The following NRG1 variants were observed in gnomAD, a reference collection of about 807,000 sequenced individuals.
NRG1 encodes neuregulin 1.
NRG1 carries 18 observed loss-of-function variants against 63.8 expected under a neutral mutation model. The ratio of observed to expected loss-of-function variants is 0.28; its 90% CI spans 0.19 to 0.42. The LOEUF is 0.42. Ranked by LOEUF, NRG1 falls within the 10% of genes least tolerant of loss-of-function variation. NRG1 has a pLI of 1.00. For synonymous variants in NRG1, 302 were observed against 301.3 expected (o/e 1.00, Z -0.02); for missense variants, 762 against 814.7 (o/e 0.94, Z 0.79).
At position 31,796,703 on chromosome 8, in the gene NRG1, C is replaced by T. The variant is rs370157236; in HGVS notation, c.37+157272C>T. Among the ~76,000 whole-genome samples, 58 of 152,208 alleles carry T rather than the reference C, an allele frequency of 3.8e-4. No homozygotes were observed. The East Asian group carries it at 8.1e-3, about 21-fold the overall frequency. ...CTGCCTGCCTCAGCCTCCCAAAGTA[C>T]TGGGATTACAGGCGTGAGCCACTGC... On this transcript the variant is annotated intron_variant, in intron 1 of 10. Transcript: ENST00000519301.
intron 1 of NRG1, among the ~76,000 whole-genome samples, chr8:31,849,187 G>A (rs1025976251): frequency 1.3e-5 from 2 of 152,096 alleles, no homozygotes; most frequent in Non-Finnish European, 2.9e-5. Context: ...CATCCAACAG[G>A]CATCTAAAGA....
intron 1 of NRG1, among the ~76,000 whole-genome samples, chr8:32,347,075 C>T (rs62497631): frequency 0.2 from 31,088 of 152,014 alleles, 3,838 homozygotes; most frequent in Non-Finnish European, 0.29. Flanking sequence ...GTGATCCGCC[C>T]GCCTCAGCCT....
intron 1 of NRG1, among the ~76,000 whole-genome samples, chr8:32,398,256 G>A (rs1377878624): frequency 1.3e-5 from 2 of 152,128 alleles, no homozygotes; most frequent in Non-Finnish European, 2.9e-5. Flanking sequence ...GAGTTGTACA[G>A]CGCAGCCTTC....
chr8:32,772,035 A>AG (rs1260750321), downstream of NRG1, among the ~76,000 whole-genome samples: 20 of 10,888 alleles, frequency 1.8e-3, 1 homozygote, highest in Non-Finnish European at 4.7e-4. Context: ...AAAAAAAAAA[A>AG]AATATGTATA....
chr8:32,146,378 G>A (rs1010778213), intron 1 of NRG1, among the ~76,000 whole-genome samples: 4 of 152,136 alleles, frequency 2.6e-5, no homozygotes, highest in Non-Finnish European at 5.9e-5. Flanking sequence ...CTGTTTCGAT[G>A]AGAATTAATC....
At chr8:32,703,643 CT>C (rs1381907214) in intron 5 of NRG1, among the ~76,000 whole-genome samples, 1 of 151,934 alleles carries the variant, frequency 6.6e-6, no homozygotes, top group Non-Finnish European at 1.5e-5. Flanking sequence ...TGTATTCTTA[CT>C]TTTACCCATG....
At chr8:32,282,036 C>A (rs921338131) in intron 1 of NRG1, among the ~76,000 whole-genome samples, 1 of 152,142 alleles carries the variant, frequency 6.6e-6, no homozygotes, top group African/African-American at 2.4e-5. Context: ...AAACTTACAC[C>A]GCTCACAGAG....
At chr8:32,228,286 T>C (rs1383969) in intron 1 of NRG1, among the ~76,000 whole-genome samples, 113,512 of 151,608 alleles carry the variant, frequency 0.75, 43,569 homozygotes, top group African/African-American at 0.91. Context: ...AAATATCACT[T>C]AAAGTTCACA....
At chr8:31,645,385 C>T (rs141397288) in intron 1 of NRG1, among the ~76,000 whole-genome samples, 23 of 152,050 alleles carry the variant, frequency 1.5e-4, no homozygotes, top group African/African-American at 5.3e-4. Context: ...AGGGATTGTC[C>T]TAGTTGAGAG....
intron 1 of NRG1, among the ~76,000 whole-genome samples, chr8:31,995,912 T>A (rs1811889899): frequency 1.3e-5 from 2 of 151,942 alleles, no homozygotes; most frequent in African/African-American, 4.8e-5. Flanking sequence ...TTATCCTTTT[T>A]TTCTATTTCC....
chr8:31,802,079 G>T (rs534634359), intron 1 of NRG1, among the ~76,000 whole-genome samples: 1 of 152,318 alleles, frequency 6.6e-6, no homozygotes, highest in South Asian at 2.1e-4. Context: ...ATCACCTGTT[G>T]AAAGCTTAAA....
chr8:32,254,202 T>C (rs1238246133), intron 1 of NRG1, among the ~76,000 whole-genome samples: 1 of 152,206 alleles, frequency 6.6e-6, no homozygotes, highest in African/African-American at 2.4e-5. Flanking sequence ...CGTTCTGCTC[T>C]GTTCTTAGTT....
rs190919444 is a variant in NRG1 at position 32,577,392 on chromosome 8, G to A, written c.101-18436G>A. Among the ~76,000 whole-genome samples the A allele has an allele frequency of 2.0e-5, 3 of 152,252 alleles. No individual in the cohort carries two copies. The East Asian group carries it at 5.8e-4, about 29-fold the overall frequency. On this transcript the variant is annotated intron_variant, in intron 1 of 11. Transcript: ENST00000356819. ...ATAGGTTTGGGAACCTCTGGCCTGG[G>A]GAAGTTGTCTGCAACACCACTGACA...
chr8:32,194,926 GCTGATAAAATCA>G lies in NRG1; in HGVS notation c.38-400897_38-400886del, dbSNP rs1422307405. Among the ~76,000 whole-genome samples, 64 of 152,218 alleles carry G rather than the reference GCTGATAAAATCA, an allele frequency of 4.2e-4. 1 individual carries two copies. The Middle Eastern group carries it at 0.01, about 24-fold the overall frequency. The stretch of plus-strand genomic sequence containing the variant: ...TTATGAAAAAAAGATTTCTAAATAT[GCTGATAAAATCA>G]CTGACATCTCAGTAAATATAGTTTA... On this transcript the variant is annotated intron_variant, in intron 1 of 10. Transcript: ENST00000519301.
intron 1 of NRG1, among the ~76,000 whole-genome samples, chr8:32,244,010 T>C (rs1293695887): frequency 1.3e-5 from 2 of 152,172 alleles, no homozygotes; most frequent in Non-Finnish European, 2.9e-5. Flanking sequence ...TATTTTGTTA[T>C]AGCTGCCTGA....
rs73232424 is a variant in NRG1, at chr8:31,983,362, C to A, written c.37+343931C>A. Among the ~76,000 whole-genome samples, 731 of 152,020 alleles carry A rather than the reference C, an allele frequency of 4.8e-3. 4 individuals are homozygous for A. The highest frequency in any genetic ancestry group is 0.017 in the Middle Eastern group (5 of 294). On this transcript the variant is annotated intron_variant, in intron 1 of 10. Transcript: ENST00000519301. ...ATGAAATTAAATTCCTGATCTGAAC[C>A]TCAGGTCAATTAACTTCTAAAAATA...
downstream of NRG1, among the ~76,000 whole-genome samples, chr8:32,771,715 A>AAAATATAT (rs1343943621): frequency 1.8e-4 from 20 of 111,840 alleles, no homozygotes; most frequent in East Asian, 5.4e-4. Flanking sequence ...TTAAAAAAAA[A>AAAATATAT]ATATATATAT....
At position 32,369,370 on chromosome 8, in the gene NRG1, T is replaced by G. The variant is rs568890003; in HGVS notation, c.38-226458T>G. The stretch of plus-strand genomic sequence containing the variant: ...CATCTTTTTTGCCATGTTTGCCCCA[T>G]GGCATTTCTCTCAGCATCTTCTTGT... On this transcript the variant is annotated intron_variant, in intron 1 of 10. Coordinates refer to the NRG1 transcript ENST00000519301. Among the ~76,000 whole-genome samples, 3 of 152,380 alleles carry G rather than the reference T, an allele frequency of 2.0e-5. No homozygotes were observed. In the South Asian group the frequency reaches 6.2e-4, roughly 32 times the overall value.
intron 1 of NRG1, among the ~76,000 whole-genome samples, chr8:31,883,868 A>G (rs1482509044): frequency 6.6e-6 from 1 of 152,044 alleles, no homozygotes; most frequent in East Asian, 1.9e-4. Context: ...TGGTCTCTTA[A>G]TAGAATTCTT....
Sources: gnomAD v4.1 joint callset for allele counts (sites outside exome capture counted in the v4.1 genomes callset) on GRCh38, gnomAD v4.1.1 for gene constraint, MANE v1.5 for transcripts, NCBI Gene and HGNC (gene_info 2026-07-23, HGNC 2026-07-21) for gene names.